The following DLG2 variants were observed in gnomAD, a reference collection of about 807,000 sequenced individuals.
DLG2 encodes the protein discs large MAGUK scaffold protein 2, also known as disks large homolog 2.
DLG2 carries 45 observed loss-of-function variants against 132.5 expected under a neutral mutation model. The observed-to-expected ratio is 0.34, with a 90% CI of 0.27 to 0.44. DLG2 has a LOEUF of 0.44. Ranked by LOEUF, DLG2 falls within the 20% of genes least tolerant of loss-of-function variation. The probability of loss-of-function intolerance (pLI) is 1.00; values close to 1 mark genes in which losing one functional copy is unlikely to be tolerated. For synonymous variants in DLG2, 424 were observed against 419.6 expected, an observed-to-expected ratio of 1.01 and a Z score of -0.13; for missense variants, 1,045 against 1,196.9, an observed-to-expected ratio of 0.87 and a Z score of 1.87.
intron 18 of DLG2, among the ~76,000 whole-genome samples, chr11:83,719,544 C>T (rs941858213): frequency 2.0e-5 from 3 of 152,076 alleles, no homozygotes; most frequent in Admixed American, 6.6e-5. Flanking sequence ...GGAAGGTTAG[C>T]GGGCATGTGC....
chr11:83,958,061 G>C (rs2087380346), intron 14 of DLG2, among the ~76,000 whole-genome samples: 1 of 152,118 alleles, frequency 6.6e-6, no homozygotes, highest in Non-Finnish European at 1.5e-5. Context: ...AATTCCATGA[G>C]GGCAAGCACC....
chr11:83,738,586 G>A (rs1465652013), intron 18 of DLG2, among the ~76,000 whole-genome samples: 1 of 151,980 alleles, frequency 6.6e-6, no homozygotes, highest in Non-Finnish European at 1.5e-5. Flanking sequence ...AGACGGAGAA[G>A]CTGTGCTCTG....
At chr11:84,250,264 C>T (rs899645739) in intron 8 of DLG2, among the ~76,000 whole-genome samples, 5 of 152,138 alleles carry the variant, frequency 3.3e-5, no homozygotes, top group African/African-American at 9.7e-5. Flanking sequence ...CTTTCTATTC[C>T]CCACAGGCCC....
chr11:84,304,440 G>C (rs2154383602), intron 7 of DLG2, among the ~76,000 whole-genome samples: 1 of 152,318 alleles, frequency 6.6e-6, no homozygotes, highest in East Asian at 1.9e-4. Flanking sequence ...TTTAAAAAAT[G>C]GATAGGCTTT....
intron 6 of DLG2, among the ~76,000 whole-genome samples, chr11:84,868,016 G>T (rs1052875195): frequency 6.6e-6 from 1 of 151,696 alleles, no homozygotes; most frequent in African/African-American, 2.4e-5. Context: ...GGAGCTTGCA[G>T]TGAGCTGAGA....
intron 3 of DLG2, among the ~76,000 whole-genome samples, chr11:85,481,669 G>A (rs973679628): frequency 6.6e-6 from 1 of 152,226 alleles, no homozygotes; most frequent in Non-Finnish European, 1.5e-5. Context: ...CCCATGACCA[G>A]GCTGACCCCA....
At chr11:84,714,342 C>T (rs1338468131) in intron 6 of DLG2, among the ~76,000 whole-genome samples, 3 of 152,036 alleles carry the variant, frequency 2.0e-5, no homozygotes, top group East Asian at 3.9e-4. Context: ...TTTAAATAAA[C>T]AAATGGGCAA....
At position 84,450,042 on chromosome 11, in the gene DLG2, CA is replaced by C; in HGVS notation, c.519+84527del. On this transcript the variant is annotated intron_variant, in intron 7 of 27. Transcript: ENST00000376104. ...ATACTCTCAACTAATTTAATCCTCA[CA>C]AAAAATACCTGAGTCAGATAATATC... 2.0e-5 allele frequency among the ~76,000 whole-genome samples: 3 copies of C among 151,794 alleles called. No individual in the cohort carries two copies. In the Middle Eastern group the frequency reaches 0.01, roughly 516 times the overall value.
intron 6 of DLG2, among the ~76,000 whole-genome samples, chr11:84,786,989 C>A (rs376125860): frequency 6.6e-6 from 1 of 152,096 alleles, no homozygotes; most frequent in African/African-American, 2.4e-5. Context: ...AAATTCAGAT[C>A]TAATCTAGGA....
chr11:85,208,948 C>T (rs1026461064), intron 4 of DLG2, among the ~76,000 whole-genome samples: 10 of 152,188 alleles, frequency 6.6e-5, no homozygotes, highest in Middle Eastern at 3.4e-3. Flanking sequence ...CAAGTTCAAC[C>T]GTACTCCCCT....
At chr11:85,037,229 T>A (rs1207402557) in intron 6 of DLG2, among the ~76,000 whole-genome samples, 3 of 152,194 alleles carry the variant, frequency 2.0e-5, no homozygotes, top group African/African-American at 7.2e-5. Context: ...CAAAACATCA[T>A]ATCGTCACAG....
At chr11:84,062,775 G>T (rs1459379314) in intron 10 of DLG2, among the ~76,000 whole-genome samples, 2 of 151,664 alleles carry the variant, frequency 1.3e-5, no homozygotes, top group Non-Finnish European at 1.5e-5. Context: ...GGGAGGTGGG[G>T]TAGTTTACAT....
At chr11:84,166,277 G>A (rs1448791712) in intron 8 of DLG2, among the ~76,000 whole-genome samples, 2 of 152,124 alleles carry the variant, frequency 1.3e-5, no homozygotes, top group Non-Finnish European at 2.9e-5. Context: ...GCAGGAGCAG[G>A]CGGATCAAGA....
intron 3 of DLG2, among the ~76,000 whole-genome samples, chr11:85,318,313 C>G (rs1327936092): frequency 6.6e-6 from 1 of 151,808 alleles, no homozygotes; most frequent in Non-Finnish European, 1.5e-5. Context: ...CCAAATCCTT[C>G]TCCAGAAATT....
intron 3 of DLG2, among the ~76,000 whole-genome samples, chr11:85,592,702 GCACTTTGGAATGCCAAGGTGGGAGAAT>G (rs2079443683): frequency 6.6e-6 from 1 of 152,128 alleles, no homozygotes; most frequent in South Asian, 2.1e-4. Context: ...TGTAACCCCA[GCACTTTGGAATGCCAAGGTGGGAGAAT>G]CACTTGAGCC....
intron 6 of DLG2, among the ~76,000 whole-genome samples, chr11:84,774,321 A>G (rs1205972711): frequency 1.3e-5 from 2 of 152,212 alleles, no homozygotes; most frequent in Non-Finnish European, 2.9e-5. Flanking sequence ...ATAATCTTCA[A>G]TGCTCATAGA....
In DLG2 at chr11:84,584,242, T is replaced by C. The variant is rs115862912; in HGVS notation, c.358-49511A>G. Among the ~76,000 whole-genome samples, 1,077 of 152,316 alleles carry C rather than the reference T, an allele frequency of 7.1e-3. 12 individuals are homozygous for C. The highest frequency in any genetic ancestry group is 0.025 in the African/African-American group (1,033 of 41,576). Reference sequence around the variant, plus strand: ...GTATAAAATGGTATCGGGCTTAATTTGGATTCCTTTCTTATACGTGAGGTC... The same window carrying C: ...GTATAAAATGGTATCGGGCTTAATTCGGATTCCTTTCTTATACGTGAGGTC... On this transcript the variant is annotated intron_variant, in intron 6 of 27. Coordinates refer to ENST00000376104, the MANE Select transcript of DLG2 (RefSeq NM_001142699.3).
chr11:84,284,924 T>C (rs1008997557), intron 7 of DLG2, among the ~76,000 whole-genome samples: 1 of 152,194 alleles, frequency 6.6e-6, no homozygotes, highest in Admixed American at 6.5e-5. Context: ...CTTAAATAAA[T>C]AGGTGGACGT....
In DLG2 at chr11:83,474,348, G is replaced by A. The variant is rs536646188; in HGVS notation, c.2294-1571C>T. On this transcript the variant is annotated intron_variant, in intron 22 of 27. Transcript: ENST00000376104. ...AGCCTGAGCGATGTAGAGGGTATAC[G>A]CATTCAAGGTTTTAGTTTAGTATTA... is the stretch of plus-strand genomic sequence containing the variant. Among the ~76,000 whole-genome samples, 133 of 152,224 alleles carry A rather than the reference G, an allele frequency of 8.7e-4. 1 individual carries two copies. The highest frequency in any genetic ancestry group is 6.8e-3 in the Middle Eastern group (2 of 294).
Sources: allele counts gnomAD v4.1 joint callset (sites outside exome capture counted in the v4.1 genomes callset), GRCh38; gene constraint gnomAD v4.1.1; transcripts MANE v1.5; gene names NCBI Gene and HGNC (gene_info 2026-07-23, HGNC 2026-07-21).